CCDC102A: variants seen among roughly 807,000 people sequenced by gnomAD.
CCDC102A encodes the protein coiled-coil domain-containing protein 102A.
Under a neutral mutation model 55.5 loss-of-function variants are expected in CCDC102A, and 40 were observed. The ratio of observed to expected loss-of-function variants is 0.72; its 90% CI spans 0.56 to 0.94. The LOEUF is 0.94. Among genes scored for constraint, CCDC102A ranks in the 40% least tolerant of loss-of-function variants. The pLI is 0.00. For synonymous variants in CCDC102A, 323 were observed against 339.0 expected, an observed-to-expected ratio of 0.95 and a Z score of 0.52; for missense variants, 779 against 768.6, an observed-to-expected ratio of 1.01 and a Z score of -0.16.
rs1385512686 is a variant in CCDC102A, at chr16:57,512,385, G to A, written c.*356C>T. Reference sequence around the variant, plus strand: ...GAAGCCTAGAGAGGCAGCCCAGGGTGGGGCTCCAACAACTGCCCCCAACAT... The same window carrying A: ...GAAGCCTAGAGAGGCAGCCCAGGGTAGGGCTCCAACAACTGCCCCCAACAT... On this transcript the variant is annotated 3_prime_UTR_variant, in exon 9 of 9. Transcript: ENST00000258214. 1 of 400,362 alleles carries A rather than the reference G, an allele frequency of 2.5e-6. No individual in the cohort carries two copies. The highest frequency in any genetic ancestry group is 4.4e-6 in the Non-Finnish European group (1 of 227,248). The allele number at this position is 400,362 out of a possible 1,614,324, so 24.8% of individuals were successfully genotyped here.
chr16:57,516,468 A>G lies in CCDC102A; in HGVS notation c.1249-5T>C. ...ATGCTTCAGGTCTGCCAGCTCCTAC[A>G]GGGCACAGGGATGGGGTGGGAGGGA... On this transcript the variant is annotated splice_region_variant and splice_polypyrimidine_tract_variant and intron_variant, in intron 6 of 8. Transcript: ENST00000258214. This position sits in a 1 kb window ranked among gnomAD's most constrained non-coding sequence, Gnocchi z 4.4. 1.4e-6 allele frequency: 2 copies of G among 1,417,418 alleles called. No individual in the cohort carries two copies. Among genetic ancestry groups the G allele is most frequent in the Admixed American group, 1.7e-5 (1 of 59,124 alleles). The allele number at this position is 1,417,418 out of a possible 1,614,324, so 87.8% of individuals were successfully genotyped here.
In CCDC102A at chr16:57,516,149, A is replaced by T; in HGVS notation, c.1419+144T>A. 1 of 724,834 alleles carries T rather than the reference A, an allele frequency of 1.4e-6. No individual in the cohort carries two copies. The highest frequency in any genetic ancestry group is 2.2e-6 in the Non-Finnish European group (1 of 444,510). The allele number at this position is 724,834 out of a possible 1,614,324, so 44.9% of individuals were successfully genotyped here. A position where few individuals can be genotyped will look rare whatever the true frequency, so the allele number is the denominator to read the frequency against. ...CCTGCCATCCATTCATCACGCACCT[A>T]CCCACTCTATCCTGGGCGACTCCTG... On this transcript the variant is annotated intron_variant, in intron 7 of 8. Transcript: ENST00000258214. The surrounding 1 kb of genome is among the most constrained non-coding windows in gnomAD (Gnocchi z 4.4).
intron 3 of CCDC102A, among the ~76,000 whole-genome samples, chr16:57,523,999 A>T (rs376061017): frequency 5.1e-4 from 78 of 152,024 alleles, no homozygotes; most frequent in African/African-American, 1.5e-3. Context: ...TCATGCTTGT[A>T]ACCTACAGTG....
chr16:57,523,744 G>A (rs1339081108), intron 3 of CCDC102A, among the ~76,000 whole-genome samples: 2 of 151,884 alleles, frequency 1.3e-5, no homozygotes, highest in Non-Finnish European at 2.9e-5. Context: ...TCAGGAGTTC[G>A]AGACCAGCCT....
chr16:57,523,414 A>G (rs1386633222), intron 3 of CCDC102A, among the ~76,000 whole-genome samples: 3 of 152,094 alleles, frequency 2.0e-5, no homozygotes, highest in Non-Finnish European at 2.9e-5. Flanking sequence ...CCAAAGATGC[A>G]ACAATGTCCG....
rs373491026 is a variant in CCDC102A, at chr16:57,512,881, G to C, written c.1524-11C>G. ...TGCTGCCTGCGGAGCCTGTGGGGTGGGGGTGACAGGAGGTTAGAGCAGCCT... is the reference window on the plus strand; with the variant it reads ...TGCTGCCTGCGGAGCCTGTGGGGTGCGGGTGACAGGAGGTTAGAGCAGCCT... On this transcript the variant is annotated splice_polypyrimidine_tract_variant and intron_variant, in intron 8 of 8. Transcript: ENST00000258214. 4.7e-5 allele frequency: 76 copies of C among 1,611,610 alleles called. No individual in the cohort carries two copies. Among genetic ancestry groups the C allele is most frequent in the Admixed American group, 6.7e-5 (4 of 59,912 alleles).
At chr16:57,536,717 G>A (rs1241714552), upstream of CCDC102A, 1 of 152,204 alleles carries the variant, frequency 6.6e-6, no homozygotes, top group Non-Finnish European at 1.5e-5. Context: ...TGCTGGGGTG[G>A]GGGCTCCAGC....
chr16:57,522,977 G>A (rs1182065824), intron 3 of CCDC102A, among the ~76,000 whole-genome samples: 1 of 152,186 alleles, frequency 6.6e-6, no homozygotes, highest in Non-Finnish European at 1.5e-5. Context: ...GAGCAGCCTG[G>A]GCAACATGGT....
At position 57,523,697 on chromosome 16, in the gene CCDC102A, G is replaced by A. The variant is rs570167915; in HGVS notation, c.812+2204C>T. Among the ~76,000 whole-genome samples the A allele has an allele frequency of 5.9e-5, 9 of 151,742 alleles. No homozygotes were observed. In the South Asian group the frequency reaches 1.7e-3, roughly 28 times the overall value. On this transcript the variant is annotated intron_variant, in intron 3 of 8. Transcript: ENST00000258214. ...ACAATGGCTCATGCCTGTAATCCCA[G>A]CACTATGGGAAGCTGAGGTTGGTGG...
intron 2 of CCDC102A, among the ~76,000 whole-genome samples, chr16:57,527,136 T>C (rs1213032157): frequency 1.3e-5 from 2 of 151,648 alleles, no homozygotes; most frequent in East Asian, 1.9e-4. Flanking sequence ...GTGCCCACGC[T>C]AGCCTACGGG....
At chr16:57,518,486 G>T (rs1274132935) in intron 5 of CCDC102A, 139 bp downstream of exon 5, 1 of 817,160 alleles carries the variant, frequency 1.2e-6, no homozygotes, top group Non-Finnish European at 2.0e-6. Context: ...GCCTCTTGCA[G>T]ATCAGGACAC....
At chr16:57,530,485 C>T (rs1220776085) in intron 1 of CCDC102A, among the ~76,000 whole-genome samples, 1 of 152,182 alleles carries the variant, frequency 6.6e-6, no homozygotes, top group African/African-American at 2.4e-5. Context: ...AGTGTACTGT[C>T]GGTGGGACTC....
chr16:57,534,645 G>C (rs756162454), intron 1 of CCDC102A, among the ~76,000 whole-genome samples: 50 of 152,210 alleles, frequency 3.3e-4, no homozygotes, highest in Non-Finnish European at 5.3e-4. Flanking sequence ...CCAGCATACA[G>C]CAGATGCGTG....
chr16:57,524,596 TAGAGAG>T (rs141666031), intron 3 of CCDC102A, among the ~76,000 whole-genome samples: 47,001 of 148,614 alleles, frequency 0.32, 9,086 homozygotes, highest in African/African-American at 0.55. Context: ...TATATATATA[TAGAGAG>T]AGAGACAGGG....
intron 1 of CCDC102A, among the ~76,000 whole-genome samples, chr16:57,532,205 G>T (rs117344227): frequency 1.3e-5 from 2 of 152,294 alleles, no homozygotes; most frequent in East Asian, 3.9e-4. Context: ...TGTTTGCTAG[G>T]TGTGGAGCTT....
At chr16:57,517,924 T>C in intron 6 of CCDC102A, 144 bp downstream of exon 6, 1 of 954,512 alleles carries the variant, frequency 1.0e-6, no homozygotes. Flanking sequence ...GCTACTATAA[T>C]TACCAACTGG....
chr16:57,521,160 T>C lies in CCDC102A; in HGVS notation c.829A>G (p.Ser277Gly). 1.2e-6 allele frequency: 2 copies of C among 1,613,070 alleles called. No homozygotes were observed. Among genetic ancestry groups the C allele is most frequent in the East Asian group, 4.5e-5 (2 of 44,872 alleles). ...CCCTCTAGCTTCTCAATGTTCCTGC[T>C]CAACGCCAGTTTATCCCTGGGGAAG... ...LKEREDKLAL[S>G]RNIEKLEGEL... is the part of the protein sequence containing the mutation. The change falls in exon 4 of 9, where the codon AGC becomes GGC. Residue 277 changes from serine to glycine, a missense_variant. Physicochemically the swap from Ser to Gly is moderately conservative, Grantham distance 56. Transcript: ENST00000258214.
intron 1 of CCDC102A, among the ~76,000 whole-genome samples, chr16:57,534,630 A>T (rs1414161229): frequency 6.6e-6 from 1 of 152,170 alleles, no homozygotes; most frequent in African/African-American, 2.4e-5. Context: ...GCATCAGCAC[A>T]GGGCCCAGCA....
intron 8 of CCDC102A, among the ~76,000 whole-genome samples, chr16:57,513,766 C>T (rs191212463): frequency 6.6e-6 from 1 of 152,318 alleles, no homozygotes; most frequent in Non-Finnish European, 1.5e-5. Flanking sequence ...CTGACTTGGG[C>T]CCACGCCTGG....
Sources: allele counts gnomAD v4.1 joint callset (sites outside exome capture counted in the v4.1 genomes callset), GRCh38; gene constraint gnomAD v4.1.1; non-coding constraint Gnocchi (gnomAD v3.1); transcripts MANE v1.5; gene names NCBI Gene and HGNC (gene_info 2026-07-23, HGNC 2026-07-21).